Variants in LMX1B observed in about 807,000 individuals in gnomAD.
The protein encoded by LMX1B is LIM homeobox transcription factor 1-beta.
LMX1B carries 12 observed loss-of-function variants against 51.4 expected under a neutral mutation model. The observed-to-expected ratio is 0.23, with a 90% CI of 0.15 to 0.38. The LOEUF (loss-of-function observed/expected upper bound fraction) is 0.38. Among genes scored for constraint, LMX1B ranks in the 10% least tolerant of loss-of-function variants. The pLI, the probability that LMX1B is intolerant of heterozygous loss-of-function variation, is 1.00. For missense variants in LMX1B, 445 were observed against 571.1 expected, an observed-to-expected ratio of 0.78 and a Z score of 2.25; for synonymous variants, 237 against 235.4, an observed-to-expected ratio of 1.01 and a Z score of -0.06.
chr9:126,639,605 C>A (rs1200371316), intron 2 of LMX1B, among the ~76,000 whole-genome samples: 1 of 152,216 alleles, frequency 6.6e-6, no homozygotes, highest in African/African-American at 2.4e-5. Flanking sequence ...CCCAGCGGAG[C>A]CCCCCTGTTA....
At chr9:126,661,218 C>CCCAGGCCAG (rs1564158754) in intron 2 of LMX1B, among the ~76,000 whole-genome samples, 2 of 151,520 alleles carry the variant, frequency 1.3e-5, no homozygotes, top group African/African-American at 2.4e-5. Flanking sequence ...AGGGCGACCT[C>CCCAGGCCAG]TCAGGCCAGC....
chr9:126,642,666 A>G (rs1835830596), intron 2 of LMX1B, among the ~76,000 whole-genome samples: 1 of 152,204 alleles, frequency 6.6e-6, no homozygotes, highest in South Asian at 2.1e-4. Flanking sequence ...CTCTACTGCC[A>G]TAATATAGAC....
chr9:126,636,072 C>T (rs1348062276), intron 2 of LMX1B, among the ~76,000 whole-genome samples: 1 of 152,152 alleles, frequency 6.6e-6, no homozygotes, highest in East Asian at 1.9e-4. Context: ...CTCTATGAGC[C>T]TTTTGGACCC....
In LMX1B at chr9:126,700,703, G is replaced by T. The variant is rs1328640270; in HGVS notation, c.*4252G>T. On this transcript the variant is annotated 3_prime_UTR_variant, in exon 8 of 8. Transcript: ENST00000373474. ...CCCTCCAACATTTGGCCCTTGGAAG[G>T]CACCATTGCCAATGAGCCTCTTTGC... 1 of 152,226 alleles carries T rather than the reference G, an allele frequency of 6.6e-6. No individual in the cohort carries two copies. The highest frequency in any genetic ancestry group is 1.5e-5 in the Non-Finnish European group (1 of 68,056). 9.4% of individuals were successfully genotyped at this position (152,226 alleles called of 1,614,324 possible).
intron 2 of LMX1B, among the ~76,000 whole-genome samples, chr9:126,642,527 C>T (rs1028944972): frequency 6.6e-6 from 1 of 152,194 alleles, no homozygotes; most frequent in Non-Finnish European, 1.5e-5. Context: ...GGTCATCCCC[C>T]GAAGAGCCAC....
rs1390487778 is a variant in LMX1B at position 126,699,266 on chromosome 9, G to C, written c.*2815G>C. 6.6e-6 allele frequency: 1 copy of C among 152,270 alleles called. No homozygotes were observed. Among genetic ancestry groups the C allele is most frequent in the African/African-American group, 2.4e-5 (1 of 41,460 alleles). 9.4% of individuals were successfully genotyped at this position (152,270 alleles called of 1,614,324 possible). On this transcript the variant is annotated 3_prime_UTR_variant, in exon 8 of 8. Coordinates refer to ENST00000373474, the MANE Select transcript of LMX1B (RefSeq NM_001174147.2). ...CAAGGTCCGGGTTAGTGACAGAGCT[G>C]AGCTGAGAACAGGGACGTTGTGCCC...
At chr9:126,652,355 G>T (rs1836035005) in intron 2 of LMX1B, among the ~76,000 whole-genome samples, 1 of 152,130 alleles carries the variant, frequency 6.6e-6, no homozygotes, top group Non-Finnish European at 1.5e-5. Context: ...AGGAGGGAAG[G>T]GCTCCCGTTC....
At chr9:126,665,171 C>G (rs943260703) in intron 2 of LMX1B, among the ~76,000 whole-genome samples, 1 of 152,248 alleles carries the variant, frequency 6.6e-6, no homozygotes, top group South Asian at 2.1e-4. Context: ...CTTCGCGCCT[C>G]TCTGGCTTCC....
intron 2 of LMX1B, among the ~76,000 whole-genome samples, chr9:126,631,565 G>A (rs1835638303): frequency 6.6e-6 from 1 of 152,130 alleles, no homozygotes; most frequent in African/African-American, 2.4e-5. Flanking sequence ...AGGCTAAGTG[G>A]GTGGGTGGGG....
Position 126,615,875 on chromosome 9 carries a change from G to A in LMX1B, c.326+306G>A, listed in dbSNP as rs1303995329. Among the ~76,000 whole-genome samples the A allele has an allele frequency of 3.9e-5, 6 of 152,220 alleles. No individual in the cohort carries two copies. The highest frequency in any genetic ancestry group is 1.3e-4 in the Admixed American group (2 of 15,290). On this transcript the variant is annotated intron_variant, in intron 2 of 7. Coordinates refer to ENST00000373474, the MANE Select transcript of LMX1B (RefSeq NM_001174147.2). The surrounding 1 kb of genome is among the most constrained non-coding windows in gnomAD (Gnocchi z 6.0). ...GGGATATAGGGTCTGGCGCTACGGA[G>A]GCCTGAATTGGGAACCCAAAATTGA...
chr9:126,616,829 G>A (rs915133900), intron 2 of LMX1B, among the ~76,000 whole-genome samples: 11 of 152,222 alleles, frequency 7.2e-5, no homozygotes, highest in African/African-American at 1.9e-4. Context: ...AGAGGGCATC[G>A]GATTCTACCC....
rs943954055 is a variant in LMX1B at position 126,624,227 on chromosome 9, G to C, written c.326+8658G>C. Among the ~76,000 whole-genome samples, 22 of 152,238 alleles carry C rather than the reference G, an allele frequency of 1.4e-4. 1 individual carries two copies. Among genetic ancestry groups the C allele is most frequent in the Admixed American group, 6.5e-5 (1 of 15,290 alleles). On this transcript the variant is annotated intron_variant, in intron 2 of 7. Transcript: ENST00000373474. The stretch of plus-strand genomic sequence containing the variant: ...CTCAGCGTTTCGGGGACCCTTGGTG[G>C]CTCGGGGGCTCTCTTGGGCTGGGGT...
intron 2 of LMX1B, among the ~76,000 whole-genome samples, chr9:126,679,701 A>G (rs1411381500): frequency 2.0e-5 from 3 of 152,110 alleles, no homozygotes; most frequent in Non-Finnish European, 4.4e-5. Flanking sequence ...CAACCTGACC[A>G]CTGTCTCCAA....
At position 126,650,543 on chromosome 9, in the gene LMX1B, C is replaced by T. The variant is rs543910210; in HGVS notation, c.326+34974C>T. Among the ~76,000 whole-genome samples, 8 of 152,346 alleles carry T rather than the reference C, an allele frequency of 5.3e-5. No homozygotes were observed. The South Asian group carries it at 1.4e-3, about 28-fold the overall frequency. ...GAGGGAAACCCGAGTCAGCAGCGGC[C>T]AGGGAGAAGGACCAGTTGTCCTGGA... On this transcript the variant is annotated intron_variant, in intron 2 of 7. Coordinates refer to ENST00000373474, the MANE Select transcript of LMX1B (RefSeq NM_001174147.2).
At chr9:126,657,937 C>T (rs1390193946) in intron 2 of LMX1B, among the ~76,000 whole-genome samples, 1 of 152,172 alleles carries the variant, frequency 6.6e-6, no homozygotes, top group Non-Finnish European at 1.5e-5. Flanking sequence ...AGAAGGGGTG[C>T]CTGCCTCACT....
At chr9:126,623,089 C>T (rs1038556264) in intron 2 of LMX1B, among the ~76,000 whole-genome samples, 1 of 152,252 alleles carries the variant, frequency 6.6e-6, no homozygotes, top group Non-Finnish European at 1.5e-5. Context: ...CATTGTCTGT[C>T]CTGCGTGGGA....
In LMX1B at chr9:126,635,285, G is replaced by A. The variant is rs146109115; in HGVS notation, c.326+19716G>A. Reference sequence around the variant, plus strand: ...CGCTCATTGCCCACACAGGGAGCAGGCCCGGGGCTTACACAAAGGCAAGGG... The same window carrying A: ...CGCTCATTGCCCACACAGGGAGCAGACCCGGGGCTTACACAAAGGCAAGGG... On this transcript the variant is annotated intron_variant, in intron 2 of 7. Coordinates refer to ENST00000373474, the MANE Select transcript of LMX1B (RefSeq NM_001174147.2). 2.2e-3 allele frequency among the ~76,000 whole-genome samples: 340 copies of A among 152,330 alleles called. 2 individuals carry two copies. The highest frequency in any genetic ancestry group is 7.8e-3 in the African/African-American group (323 of 41,568).
rs1297109386 is a variant in LMX1B at position 126,625,263 on chromosome 9, C to T, written c.326+9694C>T. 2.0e-5 allele frequency among the ~76,000 whole-genome samples: 3 copies of T among 152,228 alleles called. No homozygotes were observed. Among genetic ancestry groups the T allele is most frequent in the Non-Finnish European group, 2.9e-5 (2 of 68,034 alleles). ...TGGGCCTCAGGAGCCGGAGCGTTGC[C>T]GTGGGGGCGGGGGAAGGGGTGGTTT... is the stretch of plus-strand genomic sequence containing the variant. On this transcript the variant is annotated intron_variant, in intron 2 of 7. Coordinates refer to ENST00000373474, the MANE Select transcript of LMX1B (RefSeq NM_001174147.2). The surrounding 1 kb of genome is among the most constrained non-coding windows in gnomAD (Gnocchi z 5.3).
intron 2 of LMX1B, among the ~76,000 whole-genome samples, chr9:126,665,270 C>T (rs548511440): frequency 2.2e-4 from 34 of 152,334 alleles, no homozygotes; most frequent in African/African-American, 7.9e-4. Flanking sequence ...GGCGGTGCAG[C>T]CTGGCACGGC....
Sources: allele counts gnomAD v4.1 joint callset (sites outside exome capture counted in the v4.1 genomes callset), GRCh38; gene constraint gnomAD v4.1.1; non-coding constraint Gnocchi (gnomAD v3.1); transcripts MANE v1.5; gene names NCBI Gene and HGNC (gene_info 2026-07-23, HGNC 2026-07-21).